Variants in CLDN14 observed in about 807,000 individuals in gnomAD.
CLDN14 encodes the protein claudin 14.
CLDN14 carries 2 observed loss-of-function variants against 2.1 expected under a neutral mutation model. The observed-to-expected ratio is 0.96, with a 90% confidence interval of 0.39 to 3.01. The LOEUF (loss-of-function observed/expected upper bound fraction) is 3.01. CLDN14 is among the 30% of genes most tolerant of loss of function. The probability of loss-of-function intolerance (pLI) is 0.09; values close to 1 mark genes in which losing one functional copy is unlikely to be tolerated. For missense variants in CLDN14, 298 were observed against 328.0 expected (o/e 0.91, Z 0.71); for synonymous variants, 136 against 154.4 (o/e 0.88, Z 0.88).
At chr21:36,472,439 T>G (rs1254027979) in intron 1 of CLDN14, among the ~76,000 whole-genome samples, 2 of 152,184 alleles carry the variant, frequency 1.3e-5, no homozygotes, top group Non-Finnish European at 2.9e-5. Context: ...GATGATCAAT[T>G]TTTTGTGTCA....
At chr21:36,573,474 T>C (rs2087723276) in intron 1 of CLDN14, among the ~76,000 whole-genome samples, 1 of 152,122 alleles carries the variant, frequency 6.6e-6, no homozygotes, top group South Asian at 2.1e-4. Context: ...GTTGTGAAAT[T>C]TTGCAATTGA....
intron 1 of CLDN14, among the ~76,000 whole-genome samples, chr21:36,525,222 G>C (rs768293157): frequency 2.0e-5 from 3 of 152,104 alleles, no homozygotes; most frequent in Non-Finnish European, 2.9e-5. Context: ...GCGTGGTCTC[G>C]TGTGCAGCCC....
intron 1 of CLDN14, among the ~76,000 whole-genome samples, chr21:36,561,146 C>T: frequency 6.6e-6 from 1 of 152,172 alleles, no homozygotes; most frequent in Admixed American, 6.5e-5. Flanking sequence ...AATCCTCAGA[C>T]CCACTCTGAG....
rs528151196 is a variant in CLDN14 at position 36,471,216 on chromosome 21, CAAA to C, written c.-82+8276_-82+8278del. On this transcript the variant is annotated intron_variant, in intron 1 of 1. Transcript: ENST00000399135. Reference sequence around the variant, plus strand: ...AGATCCTGTCTCTACAAAAAACAAACAAACATAAAAACAAAAAACAAAGCCATG... The same window carrying C: ...AGATCCTGTCTCTACAAAAAACAAACCATAAAAACAAAAAACAAAGCCATG... 2.9e-3 allele frequency among the ~76,000 whole-genome samples: 359 copies of C among 123,244 alleles called. 2 individuals carry two copies. Among genetic ancestry groups the C allele is most frequent in the African/African-American group, 0.013 (332 of 25,256 alleles). 80.9% of individuals were successfully genotyped at this position (123,244 alleles called of 152,430 possible).
intron 1 of CLDN14, among the ~76,000 whole-genome samples, chr21:36,513,213 CA>C (rs572305609): frequency 6.6e-6 from 1 of 152,164 alleles, no homozygotes; most frequent in South Asian, 2.1e-4. Flanking sequence ...AGGAACTGTC[CA>C]GGGGGCTGCT....
At chr21:36,528,088 C>A (rs1053273555) in intron 1 of CLDN14, among the ~76,000 whole-genome samples, 1 of 152,158 alleles carries the variant, frequency 6.6e-6, no homozygotes, top group African/African-American at 2.4e-5. Flanking sequence ...ACAAAGCTGT[C>A]GGTTACTCTC....
At position 36,544,839 on chromosome 21, in the gene CLDN14, C is replaced by A. The variant is rs1039115820; in HGVS notation, c.-220+31572G>T. ...AGCAACCATGTGAAAACAATTAGGA[C>A]GACAAATTTACTAATTGCTGAAAGT... On this transcript the variant is annotated intron_variant, in intron 1 of 2. Coordinates refer to the CLDN14 transcript ENST00000342108. This position sits in a 1 kb window ranked among gnomAD's most constrained non-coding sequence, Gnocchi z 4.1. Among the ~76,000 whole-genome samples, 1 of 152,186 alleles carries A rather than the reference C, an allele frequency of 6.6e-6. No individual in the cohort carries two copies. Among genetic ancestry groups the A allele is most frequent in the South Asian group, 2.1e-4 (1 of 4,824 alleles).
upstream of CLDN14, among the ~76,000 whole-genome samples, chr21:36,481,473 A>G (rs17283840): frequency 0.075 from 11,383 of 152,284 alleles, 591 homozygotes; most frequent in East Asian, 0.17. Flanking sequence ...CTACAAGTTC[A>G]TTACATTTAG....
intron 1 of CLDN14, among the ~76,000 whole-genome samples, chr21:36,471,078 A>T (rs548999130): frequency 2.0e-5 from 3 of 152,240 alleles, no homozygotes; most frequent in African/African-American, 7.2e-5. Flanking sequence ...TTTGTCATTG[A>T]TAAAAACAGG....
At chr21:36,558,627 T>C (rs553732762) in intron 1 of CLDN14, among the ~76,000 whole-genome samples, 1 of 152,178 alleles carries the variant, frequency 6.6e-6, no homozygotes, top group Non-Finnish European at 1.5e-5. Flanking sequence ...TTTTTGGTGC[T>C]ATTATAAAGG....
intron 1 of CLDN14, among the ~76,000 whole-genome samples, chr21:36,469,879 T>C (rs978954649): frequency 2.6e-5 from 4 of 152,160 alleles, no homozygotes; most frequent in African/African-American, 7.2e-5. Context: ...CTTAAATACA[T>C]GAGTGCCTTT....
rs901850796 is a variant in CLDN14, at chr21:36,498,654, C to A, written c.-82+11709G>T. Reference sequence around the variant, plus strand: ...ATGGCTAAGCTCTCTTCCCCTCCACCCTGGAAAAAATGAACATAGGATCTG... The same window carrying A: ...ATGGCTAAGCTCTCTTCCCCTCCACACTGGAAAAAATGAACATAGGATCTG... On this transcript the variant is annotated intron_variant, in intron 2 of 2. Transcript: ENST00000342108. This position sits in a 1 kb window ranked among gnomAD's most constrained non-coding sequence, Gnocchi z 4.9. Among the ~76,000 whole-genome samples, 1 of 152,120 alleles carries A rather than the reference C, an allele frequency of 6.6e-6. No individual in the cohort carries two copies. The highest frequency in any genetic ancestry group is 1.5e-5 in the Non-Finnish European group (1 of 68,012).
At chr21:36,565,043 C>T (rs2087662718) in intron 1 of CLDN14, among the ~76,000 whole-genome samples, 1 of 152,236 alleles carries the variant, frequency 6.6e-6, no homozygotes, top group Admixed American at 6.5e-5. Flanking sequence ...AGGATAATAA[C>T]ATTTGTGTAG....
intron 1 of CLDN14, among the ~76,000 whole-genome samples, chr21:36,511,614 G>A (rs147481384): frequency 1.3e-5 from 2 of 152,018 alleles, no homozygotes; most frequent in Non-Finnish European, 2.9e-5. Flanking sequence ...AGTCCTCCCT[G>A]CTGCAGGGAG....
chr21:36,491,429 G>A (rs539820277), intron 2 of CLDN14, among the ~76,000 whole-genome samples: 1 of 152,308 alleles, frequency 6.6e-6, no homozygotes, highest in East Asian at 1.9e-4. Flanking sequence ...GCGTGTCAGC[G>A]AGTCAACGAA....
At chr21:36,548,162 C>A (rs1396928770) in intron 1 of CLDN14, among the ~76,000 whole-genome samples, 1 of 152,092 alleles carries the variant, frequency 6.6e-6, no homozygotes, top group Non-Finnish European at 1.5e-5. Flanking sequence ...TCCTTGTTAC[C>A]TCCTCCAGGA....
At chr21:36,549,762 C>G (rs1481278297) in intron 1 of CLDN14, among the ~76,000 whole-genome samples, 1 of 152,208 alleles carries the variant, frequency 6.6e-6, no homozygotes, top group Non-Finnish European at 1.5e-5. Flanking sequence ...TGAACTTCCT[C>G]TCTTCCTTCA....
rs2086917554 is a variant in CLDN14 at position 36,488,220 on chromosome 21, C to CCTTCCTTCCTTCCTTCCTT, written c.-82+22142_-82+22143insAAGGAAGGAAGGAAGGAAG. Among the ~76,000 whole-genome samples the CCTTCCTTCCTTCCTTCCTT allele has an allele frequency of 4.6e-3, 447 of 97,296 alleles. 8 individuals carry two copies. Among genetic ancestry groups the CCTTCCTTCCTTCCTTCCTT allele is most frequent in the African/African-American group, 0.018 (440 of 24,012 alleles). The allele number at this position is 97,296 out of a possible 152,430, so 63.8% of individuals were successfully genotyped here. ...TGCAAAAAGACAAATACTGTGATTC[C>CCTTCCTTCCTTCCTTCCTT]CCTTCCTTCCTTCCTTCCTTCCTTC... is the stretch of plus-strand genomic sequence containing the variant. On this transcript the variant is annotated intron_variant, in intron 2 of 2. Transcript: ENST00000342108.
At chr21:36,572,015 A>G (rs1222918767) in intron 1 of CLDN14, among the ~76,000 whole-genome samples, 1 of 152,196 alleles carries the variant, frequency 6.6e-6, no homozygotes, top group Non-Finnish European at 1.5e-5. Context: ...TCCGTGAAAT[A>G]AGATCTAGCA....
Sources: allele counts gnomAD v4.1 joint callset (sites outside exome capture counted in the v4.1 genomes callset), GRCh38; gene constraint gnomAD v4.1.1; non-coding constraint Gnocchi (gnomAD v3.1); transcripts MANE v1.5; gene names NCBI Gene and HGNC (gene_info 2026-07-23, HGNC 2026-07-21).